LYST: variants seen among roughly 807,000 people sequenced by gnomAD.
LYST encodes the protein lysosomal trafficking regulator.
LYST carries 192 observed loss-of-function variants against 413.6 expected under a neutral mutation model. That is an observed-to-expected ratio of 0.46 (90% CI 0.41 to 0.52). The LOEUF is 0.52. LYST is among the 20% of genes least tolerant of loss of function. The pLI is 0.00. For synonymous variants in LYST, 1,525 were observed against 1,567.3 expected, an observed-to-expected ratio of 0.97 and a Z score of 0.64; for missense variants, 3,815 against 4,499.9, an observed-to-expected ratio of 0.85 and a Z score of 4.35.
intron 8 of LYST, among the ~76,000 whole-genome samples, chr1:235,801,556 A>C (rs538569018): frequency 6.6e-6 from 1 of 152,274 alleles, no homozygotes; most frequent in South Asian, 2.1e-4. Context: ...TGTCTTATTG[A>C]ATATTGCATT....
At chr1:235,770,386 A>G in intron 19 of LYST, 89 bp from the exon 20 acceptor site, 1 of 1,110,628 alleles carries the variant, frequency 9.0e-7, no homozygotes. Flanking sequence ...GCAACAATTT[A>G]ACATTGTGTA....
intron 31 of LYST, chr1:235,738,297 C>A (rs1253481592): frequency 6.2e-7 from 1 of 1,611,754 alleles, no homozygotes; most frequent in South Asian, 1.1e-5. Context: ...TGAGGCACAT[C>A]GCAAGAGGGA....
rs185088279 is a variant in LYST, at chr1:235,683,966, C to T, written c.10800+2983G>A. Among the ~76,000 whole-genome samples the T allele has an allele frequency of 2.6e-5, 4 of 152,254 alleles. No individual in the cohort carries two copies. The East Asian group carries it at 7.7e-4, about 29-fold the overall frequency. ...CACTACTAAGTTAGATTTTTTGGCA[C>T]TGTTAAATAGTAACTATTAATCTCA... On this transcript the variant is annotated intron_variant, in intron 48 of 52. Transcript: ENST00000389793.
At chr1:235,879,461 G>A (rs1334715212) in intron 1 of LYST, among the ~76,000 whole-genome samples, 1 of 152,212 alleles carries the variant, frequency 6.6e-6, no homozygotes, top group Non-Finnish European at 1.5e-5. Flanking sequence ...GGTGCTACCT[G>A]TGTTAACTGG....
chr1:235,825,499 C>A (rs1322354424), intron 3 of LYST, among the ~76,000 whole-genome samples: 12 of 152,062 alleles, frequency 7.9e-5, no homozygotes, highest in African/African-American at 2.9e-4. Context: ...AGGCACAGGA[C>A]ACAAGATCAA....
At chr1:235,724,229 T>C in intron 38 of LYST, 49 bp from the exon 39 acceptor site, 1 of 1,441,548 alleles carries the variant, frequency 6.9e-7, no homozygotes, top group African/African-American at 1.4e-5. Flanking sequence ...GAAATATAAA[T>C]AATTACTTTA....
intron 3 of LYST, among the ~76,000 whole-genome samples, chr1:235,826,519 T>C (rs916656959): frequency 2.0e-5 from 3 of 152,182 alleles, no homozygotes; most frequent in African/African-American, 7.2e-5. Context: ...TACTACATGA[T>C]TCCAAAGCTA....
rs1042634797 is a variant in LYST at position 235,743,951 on chromosome 1, A to C, written c.8151+28T>G. 3 of 1,171,686 alleles carry C rather than the reference A, an allele frequency of 2.6e-6. No homozygotes were observed. In the African/African-American group the frequency reaches 4.5e-5, roughly 18 times the overall value. The allele number at this position is 1,171,686 out of a possible 1,614,324, so 72.6% of individuals were successfully genotyped here. On this transcript the variant is annotated intron_variant, in intron 30 of 52. Transcript: ENST00000389793. ...ACCTCTATTTCCTTTGTGTGAATGAACATTTCCCATGTAATTAATTTACTT... is the reference window on the plus strand; with the variant it reads ...ACCTCTATTTCCTTTGTGTGAATGACCATTTCCCATGTAATTAATTTACTT...
intron 1 of LYST, among the ~76,000 whole-genome samples, chr1:235,881,818 C>T (rs1038635597): frequency 2.6e-5 from 4 of 151,942 alleles, no homozygotes; most frequent in Non-Finnish European, 4.4e-5. Context: ...TAGCCAAATT[C>T]GCACAGACAG....
At chr1:235,777,857 T>C (rs542807093) in intron 16 of LYST, among the ~76,000 whole-genome samples, 8 of 152,182 alleles carry the variant, frequency 5.3e-5, no homozygotes, top group African/African-American at 1.7e-4. Context: ...ATAGTTTCCA[T>C]CAGTGTGTGG....
rs559813352 is a variant in LYST at position 235,664,168 on chromosome 1, T to C, written c.11196-113A>G. On this transcript the variant is annotated intron_variant, in intron 51 of 52. Transcript: ENST00000389793. This position sits in a 1 kb window ranked among gnomAD's most constrained non-coding sequence, Gnocchi z 4.5. ...TGTGGAAGGAAATGTAACAAACAAT[T>C]AACAGTAGTTCCCTCTAGGGAGTTT... 4.5e-6 allele frequency: 4 copies of C among 894,100 alleles called. No homozygotes were observed. The African/African-American group carries it at 6.5e-5, about 15-fold the overall frequency. 55.4% of individuals were successfully genotyped at this position (894,100 alleles called of 1,614,324 possible). A position where few individuals can be genotyped will look rare whatever the true frequency, so the allele number is the denominator to read the frequency against.
chr1:235,708,964 C>A, intron 44 of LYST, 127 bp downstream of exon 44: 1 of 801,516 alleles, frequency 1.2e-6, no homozygotes, highest in East Asian at 2.6e-5. Context: ...TCTTAGGTGA[C>A]AGTTTAATGC....
At position 235,753,175 on chromosome 1, in the gene LYST, G is replaced by C; in HGVS notation, c.7329C>G (p.Leu2443=). ...GAAGAAGTAAAAGAGCATTATGCAA[G>C]AGTATGTTGTCATATAGAGAGGTCT... ...LIETSLYDNI[L]LHNALLLLLQ... The change falls in exon 26 of 53, where the codon CTC becomes CTG. Residue 2443 remains leucine, a synonymous_variant. Transcript: ENST00000389793. The C allele has an allele frequency of 6.2e-7, 1 of 1,607,316 alleles. No homozygotes were observed. The highest frequency in any genetic ancestry group is 8.5e-7 in the Non-Finnish European group (1 of 1,174,086).
intron 47 of LYST, among the ~76,000 whole-genome samples, chr1:235,691,193 C>G (rs1289450361): frequency 1.3e-5 from 2 of 152,182 alleles, no homozygotes; most frequent in Non-Finnish European, 2.9e-5. Flanking sequence ...GCTGGGATAA[C>G]AGGCTTGAGC....
At chr1:235,756,168 C>T (rs765652279) in intron 24 of LYST, among the ~76,000 whole-genome samples, 1 of 152,040 alleles carries the variant, frequency 6.6e-6, no homozygotes, top group Non-Finnish European at 1.5e-5. Context: ...AAATGCAACA[C>T]GTGTAATACC....
intron 12 of LYST, 157 bp downstream of exon 12, chr1:235,791,542 T>C (rs1002914033): frequency 1.4e-5 from 10 of 691,744 alleles, no homozygotes; most frequent in Non-Finnish European, 2.5e-5. Flanking sequence ...TGACAACTCA[T>C]GCTTTGATAA....
At chr1:235,715,411 T>C in intron 41 of LYST, 54 bp from the exon 42 acceptor site, 1 of 1,563,696 alleles carries the variant, frequency 6.4e-7, no homozygotes, top group Non-Finnish European at 8.8e-7. Context: ...CAGGCAACGC[T>C]AGAAAAGTGC....
chr1:235,868,250 A>G (rs1289825575), upstream of LYST, among the ~76,000 whole-genome samples: 1 of 151,734 alleles, frequency 6.6e-6, no homozygotes, highest in African/African-American at 2.4e-5. Context: ...CGGCTCACTG[A>G]ACCCTAACAA....
chr1:235,821,441 T>C (rs1323530374), intron 3 of LYST, among the ~76,000 whole-genome samples: 4 of 151,990 alleles, frequency 2.6e-5, no homozygotes, highest in African/African-American at 9.7e-5. Flanking sequence ...TCTGAGACCC[T>C]GCCTCGAAAA....
Sources: gnomAD v4.1 joint callset for allele counts (sites outside exome capture counted in the v4.1 genomes callset) on GRCh38, gnomAD v4.1.1 for gene constraint, Gnocchi (gnomAD v3.1) non-coding constraint, MANE v1.5 for transcripts, NCBI Gene and HGNC (gene_info 2026-07-23, HGNC 2026-07-21) for gene names.